VAT1L: variants seen among roughly 807,000 people sequenced by gnomAD.
The protein encoded by VAT1L is putative NADPH-dependent quinone oxidoreductase VAT1L.
A neutral mutation model predicts 44.1 loss-of-function variants in VAT1L; 34 were observed. That is an observed-to-expected ratio of 0.77 (90% CI 0.59 to 1.03). VAT1L has a LOEUF of 1.03. Ranked by LOEUF, VAT1L falls within the 50% of genes least tolerant of loss-of-function variation. VAT1L has a pLI of 0.00. For synonymous variants in VAT1L, 253 were observed against 202.2 expected (o/e 1.25, Z -2.13); for missense variants, 615 against 538.8 (o/e 1.14, Z -1.40).
At chr16:77,916,256 CA>C (rs1027381470) in intron 7 of VAT1L, among the ~76,000 whole-genome samples, 10 of 152,112 alleles carry the variant, frequency 6.6e-5, no homozygotes, top group African/African-American at 2.2e-4. Flanking sequence ...TGTTCTTGAG[CA>C]AAGAAGTGTC....
chr16:77,929,794 G>C (rs77229248), intron 7 of VAT1L, among the ~76,000 whole-genome samples: 29,440 of 152,148 alleles, frequency 0.19, 2,976 homozygotes, highest in Middle Eastern at 0.23. Flanking sequence ...TGTCCGAGGA[G>C]ACCCAGATAA....
At chr16:77,916,009 C>A (rs2017548347) in intron 7 of VAT1L, among the ~76,000 whole-genome samples, 1 of 152,224 alleles carries the variant, frequency 6.6e-6, no homozygotes. Context: ...TAAGCATCAA[C>A]TCCCAAAAGT....
At chr16:77,877,692 T>C (rs2017104510) in intron 5 of VAT1L, among the ~76,000 whole-genome samples, 1 of 152,164 alleles carries the variant, frequency 6.6e-6, no homozygotes, top group African/African-American at 2.4e-5. Flanking sequence ...TAATTCTGGC[T>C]AACTCAGAAA....
chr16:77,959,113 C>T (rs1313309766), intron 7 of VAT1L, among the ~76,000 whole-genome samples: 1 of 152,186 alleles, frequency 6.6e-6, no homozygotes, highest in South Asian at 2.1e-4. Context: ...AAATTTTGCA[C>T]GCCAGTCACC....
chr16:77,807,759 T>A (rs547197070), intron 1 of VAT1L, among the ~76,000 whole-genome samples: 1 of 152,208 alleles, frequency 6.6e-6, no homozygotes, highest in Non-Finnish European at 1.5e-5. Flanking sequence ...TCACATGCAA[T>A]CCACACAACA....
intron 7 of VAT1L, among the ~76,000 whole-genome samples, chr16:77,946,362 C>G (rs1468640832): frequency 7.4e-6 from 1 of 135,940 alleles, no homozygotes; most frequent in Non-Finnish European, 1.5e-5. Flanking sequence ...CAGCTCACTG[C>G]AAGTTCCGCC....
intron 7 of VAT1L, among the ~76,000 whole-genome samples, chr16:77,899,465 C>T (rs2017358530): frequency 6.6e-6 from 1 of 152,248 alleles, no homozygotes. Flanking sequence ...GTAACCCTTG[C>T]TCTTCCTGCC....
intron 4 of VAT1L, among the ~76,000 whole-genome samples, chr16:77,866,000 C>T (rs1291593338): frequency 6.6e-6 from 1 of 152,150 alleles, no homozygotes; most frequent in African/African-American, 2.4e-5. Context: ...TTGAGACCCA[C>T]CTCACCCTCA....
chr16:77,892,963 A>C, intron 7 of VAT1L: 1 of 758,622 alleles, frequency 1.3e-6, no homozygotes, highest in Non-Finnish European at 2.3e-6. Context: ...TTCTATCTGT[A>C]GCTCAGGAGG....
intron 7 of VAT1L, among the ~76,000 whole-genome samples, chr16:77,919,418 T>A (rs1052731723): frequency 6.6e-6 from 1 of 152,182 alleles, no homozygotes; most frequent in Non-Finnish European, 1.5e-5. Flanking sequence ...AGCAACAGTG[T>A]TGCCAGGCAG....
At chr16:77,845,972 A>C (rs1242858093) in intron 3 of VAT1L, among the ~76,000 whole-genome samples, 1 of 152,200 alleles carries the variant, frequency 6.6e-6, no homozygotes, top group East Asian at 1.9e-4. Flanking sequence ...GTGTGCAATT[A>C]TCCCGGGTCT....
At chr16:77,926,717 GC>G (rs1336368529) in intron 7 of VAT1L, among the ~76,000 whole-genome samples, 32 of 152,254 alleles carry the variant, frequency 2.1e-4, no homozygotes, top group Non-Finnish European at 7.4e-5. Context: ...CAACCTCTAT[GC>G]CCCACTAATG....
intron 3 of VAT1L, among the ~76,000 whole-genome samples, chr16:77,844,093 A>G (rs1027643393): frequency 1.3e-5 from 2 of 152,124 alleles, no homozygotes; most frequent in Non-Finnish European, 2.9e-5. Context: ...AAATATATAC[A>G]CACACACACA....
At chr16:77,935,552 T>G (rs1229874906) in intron 7 of VAT1L, among the ~76,000 whole-genome samples, 3 of 131,040 alleles carry the variant, frequency 2.3e-5, no homozygotes, top group Admixed American at 7.8e-5. Flanking sequence ...CAGAGAGAGA[T>G]GGGGGCGGTG....
chr16:77,801,719 A>G (rs967815125), intron 1 of VAT1L: 2 of 151,284 alleles, frequency 1.3e-5, no homozygotes, highest in African/African-American at 2.4e-5. Flanking sequence ...TCATTTAAAA[A>G]AAAAAAAAAA....
At chr16:77,817,915 C>T (rs906203692) in intron 2 of VAT1L, among the ~76,000 whole-genome samples, 15 of 152,094 alleles carry the variant, frequency 9.9e-5, no homozygotes, top group African/African-American at 3.4e-4. Context: ...TGAGAACCCG[C>T]TATAATCAGA....
At chr16:77,922,296 G>A (rs576446107) in intron 7 of VAT1L, among the ~76,000 whole-genome samples, 3 of 152,176 alleles carry the variant, frequency 2.0e-5, no homozygotes, top group African/African-American at 7.2e-5. Flanking sequence ...GAATTAAAAG[G>A]TACTCTGTTC....
At chr16:77,846,150 A>G (rs892213318) in intron 3 of VAT1L, among the ~76,000 whole-genome samples, 14 of 152,200 alleles carry the variant, frequency 9.2e-5, no homozygotes, top group African/African-American at 3.1e-4. Context: ...TCTTAATTAC[A>G]CAGGGGGAGG....
chr16:77,924,147 C>T (rs1473497143), intron 7 of VAT1L, among the ~76,000 whole-genome samples: 8 of 152,262 alleles, frequency 5.3e-5, no homozygotes, highest in Non-Finnish European at 8.8e-5. Context: ...CCCGGAGAAG[C>T]TATATTGACT....
Sources: allele counts gnomAD v4.1 joint callset (sites outside exome capture counted in the v4.1 genomes callset), GRCh38; gene constraint gnomAD v4.1.1; transcripts MANE v1.5; gene names NCBI Gene and HGNC (gene_info 2026-07-23, HGNC 2026-07-21).